Variants in SYT1 observed in about 807,000 individuals in gnomAD.
SYT1 encodes the protein synaptotagmin 1.
A neutral mutation model predicts 44.8 loss-of-function variants in SYT1; 8 were observed. The observed-to-expected ratio is 0.18, with a 90% confidence interval of 0.10 to 0.32. The LOEUF (loss-of-function observed/expected upper bound fraction) is 0.32. Ranked by LOEUF, SYT1 falls within the 10% of genes least tolerant of loss-of-function variation. SYT1 has a pLI of 1.00. For missense variants in SYT1, 286 were observed against 509.3 expected (o/e 0.56, Z 4.22); for synonymous variants, 154 against 188.8 (o/e 0.82, Z 1.51).
intron 8 of SYT1, among the ~76,000 whole-genome samples, chr12:79,304,930 A>G (rs1170622492): frequency 6.6e-6 from 1 of 152,156 alleles, no homozygotes; most frequent in Admixed American, 6.5e-5. Context: ...CTACAGAAGT[A>G]TAGATGTGTT....
intron 2 of SYT1, among the ~76,000 whole-genome samples, chr12:78,978,576 C>A (rs1171164194): frequency 6.6e-6 from 1 of 152,170 alleles, no homozygotes; most frequent in Non-Finnish European, 1.5e-5. Flanking sequence ...TCTTCATTAA[C>A]CAATCAAATT....
chr12:79,079,819 T>G (rs974150263), intron 3 of SYT1, among the ~76,000 whole-genome samples: 3 of 152,096 alleles, frequency 2.0e-5, no homozygotes, highest in Non-Finnish European at 4.4e-5. Context: ...ATCTTAAAGT[T>G]GTAGTGGCTG....
At chr12:78,874,017 GGA>G (rs1252473796) in intron 1 of SYT1, among the ~76,000 whole-genome samples, 1 of 151,536 alleles carries the variant, frequency 6.6e-6, no homozygotes, top group Non-Finnish European at 1.5e-5. Flanking sequence ...ATGAAACATA[GGA>G]TAGGTATTAA....
chr12:78,944,119 T>TA (rs1048636838), intron 1 of SYT1, among the ~76,000 whole-genome samples: 2 of 151,908 alleles, frequency 1.3e-5, no homozygotes, highest in African/African-American at 4.8e-5. Flanking sequence ...TTCAGAATTT[T>TA]AAAAATCTCT....
At chr12:78,921,608 C>T (rs1037996) in intron 1 of SYT1, among the ~76,000 whole-genome samples, 38,434 of 151,698 alleles carry the variant, frequency 0.25, 5,465 homozygotes, top group South Asian at 0.42. Context: ...GTGGATAGAA[C>T]AGGCAAAAAG....
At chr12:79,229,841 C>T (rs970173734) in intron 4 of SYT1, among the ~76,000 whole-genome samples, 1 of 152,028 alleles carries the variant, frequency 6.6e-6, no homozygotes, top group African/African-American at 2.4e-5. Flanking sequence ...GTGATCCACC[C>T]GCCTCAGCCT....
At chr12:79,266,342 T>C (rs1311617547) in intron 4 of SYT1, among the ~76,000 whole-genome samples, 1 of 152,066 alleles carries the variant, frequency 6.6e-6, no homozygotes, top group Non-Finnish European at 1.5e-5. Flanking sequence ...ATAAAGGGCT[T>C]ATATATGGTA....
chr12:79,325,371 G>A (rs1441867936), intron 8 of SYT1, among the ~76,000 whole-genome samples: 1 of 152,126 alleles, frequency 6.6e-6, no homozygotes, highest in African/African-American at 2.4e-5. Context: ...AAGAAAAGAA[G>A]CAGATACTCT....
chr12:79,179,160 A>G (rs1872186963), intron 3 of SYT1, among the ~76,000 whole-genome samples: 1 of 85,712 alleles, frequency 1.2e-5, no homozygotes, highest in South Asian at 4.7e-4. Context: ...ATATAGATAT[A>G]TAGATATAGA....
Position 78,918,493 on chromosome 12 carries a change from T to C in SYT1, c.-217+53384T>C, listed in dbSNP as rs538796229. Reference sequence around the variant, plus strand: ...ACAGGAGGGCTGCCCTGTGGGTATATGAGCTGGTTACATTTTGGCCCCTTT... The same window carrying C: ...ACAGGAGGGCTGCCCTGTGGGTATACGAGCTGGTTACATTTTGGCCCCTTT... On this transcript the variant is annotated intron_variant, in intron 1 of 10. Coordinates refer to ENST00000261205, the MANE Select transcript of SYT1 (RefSeq NM_005639.3). Among the ~76,000 whole-genome samples, 5 of 152,192 alleles carry C rather than the reference T, an allele frequency of 3.3e-5. No homozygotes were observed. In the South Asian group the frequency reaches 1.0e-3, roughly 32 times the overall value.
chr12:79,353,049 C>A (rs1882974398), intron 8 of SYT1, among the ~76,000 whole-genome samples: 1 of 152,008 alleles, frequency 6.6e-6, no homozygotes, highest in Non-Finnish European at 1.5e-5. Flanking sequence ...TCCCAAAAAC[C>A]TAGAGTATTA....
chr12:79,286,157 C>G (rs541906681), intron 5 of SYT1, among the ~76,000 whole-genome samples, 186 bp downstream of exon 5: 73 of 152,232 alleles, frequency 4.8e-4, no homozygotes, highest in African/African-American at 1.8e-3. Flanking sequence ...CAGGGTTTTC[C>G]AATCTCCTGA....
At chr12:79,002,066 A>G (rs988455276) in intron 2 of SYT1, among the ~76,000 whole-genome samples, 5 of 152,168 alleles carry the variant, frequency 3.3e-5, no homozygotes, top group Admixed American at 3.3e-4. Flanking sequence ...AGGAAAAAAC[A>G]CTGCTACAGT....
chr12:79,302,322 G>A (rs766888908), intron 8 of SYT1, among the ~76,000 whole-genome samples: 2 of 152,092 alleles, frequency 1.3e-5, no homozygotes, highest in African/African-American at 4.8e-5. Context: ...TTCTGCCGGA[G>A]ACTTGGATTT....
intron 3 of SYT1, among the ~76,000 whole-genome samples, chr12:79,076,634 T>C (rs934918875): frequency 3.9e-5 from 6 of 152,160 alleles, no homozygotes; most frequent in Non-Finnish European, 8.8e-5. Context: ...AGTGCGAGCA[T>C]ATTTATAAGA....
intron 9 of SYT1, among the ~76,000 whole-genome samples, chr12:79,386,513 C>T (rs1565936662): frequency 1.3e-5 from 2 of 152,076 alleles, no homozygotes; most frequent in Non-Finnish European, 2.9e-5. Context: ...CCCCCCAACC[C>T]CCACAGACCC....
At chr12:78,950,815 G>A (rs1878927009) in intron 1 of SYT1, among the ~76,000 whole-genome samples, 1 of 151,994 alleles carries the variant, frequency 6.6e-6, no homozygotes, top group Non-Finnish European at 1.5e-5. Context: ...CACAAAAATT[G>A]TGCTGTTCTG....
At chr12:79,161,112 C>T (rs945450633) in intron 3 of SYT1, among the ~76,000 whole-genome samples, 1 of 152,006 alleles carries the variant, frequency 6.6e-6, no homozygotes, top group Non-Finnish European at 1.5e-5. Context: ...ATGGTGGGTG[C>T]ACCTGTAGTC....
chr12:79,239,577 G>C (rs936271267), intron 4 of SYT1, among the ~76,000 whole-genome samples: 1 of 152,116 alleles, frequency 6.6e-6, no homozygotes, highest in African/African-American at 2.4e-5. Context: ...CAGTCTTAAC[G>C]TTTCTGTAAA....
Sources: gnomAD v4.1 joint callset for allele counts (sites outside exome capture counted in the v4.1 genomes callset) on GRCh38, gnomAD v4.1.1 for gene constraint, MANE v1.5 for transcripts, NCBI Gene and HGNC (gene_info 2026-07-23, HGNC 2026-07-21) for gene names.